ABCA12: variants seen among roughly 807,000 people sequenced by gnomAD.
The protein encoded by ABCA12 is glucosylceramide transporter ABCA12.
In ABCA12, 156 loss-of-function variants were observed where a neutral mutation model predicts 293.5. The ratio of observed to expected loss-of-function variants is 0.53; its 90% CI spans 0.47 to 0.61. The LOEUF is 0.61. Ranked by LOEUF, ABCA12 falls within the 20% of genes least tolerant of loss-of-function variation. The pLI is 0.00. For synonymous variants in ABCA12, 1,063 were observed against 1,108.0 expected (o/e 0.96, Z 0.81); for missense variants, 2,797 against 3,090.2 (o/e 0.91, Z 2.25).
intron 9 of ABCA12, among the ~76,000 whole-genome samples, chr2:215,028,517 T>TA (rs1700800774): frequency 6.6e-6 from 1 of 152,198 alleles, no homozygotes; most frequent in Non-Finnish European, 1.5e-5. Flanking sequence ...ACTCAGACCT[T>TA]AGAGATTTTA....
intron 22 of ABCA12, 66 bp from the exon 23 acceptor site, chr2:214,997,875 A>AATATAT: frequency 1.0e-6 from 1 of 962,436 alleles, no homozygotes; most frequent in South Asian, 1.4e-5. Context: ...CAGAGATTAT[A>AATATAT]ATATATAAAG....
chr2:215,074,459 A>G (rs1349793545), intron 2 of ABCA12, among the ~76,000 whole-genome samples: 1 of 152,186 alleles, frequency 6.6e-6, no homozygotes, highest in Non-Finnish European at 1.5e-5. Context: ...TACACACTCT[A>G]TAATAGGGAA....
intron 11 of ABCA12, among the ~76,000 whole-genome samples, chr2:215,024,669 A>G (rs1166518387): frequency 6.6e-6 from 1 of 152,224 alleles, no homozygotes; most frequent in Non-Finnish European, 1.5e-5. Flanking sequence ...ATACATGGAC[A>G]TAATGTTTTG....
At chr2:215,078,716 C>T (rs1236539846) in intron 2 of ABCA12, among the ~76,000 whole-genome samples, 2 of 152,072 alleles carry the variant, frequency 1.3e-5, no homozygotes, top group Non-Finnish European at 2.9e-5. Context: ...CTGTTTCTAC[C>T]CTTAGTGAGA....
chr2:215,098,775 C>A (rs559081299), intron 2 of ABCA12, among the ~76,000 whole-genome samples: 2 of 152,208 alleles, frequency 1.3e-5, no homozygotes, highest in Non-Finnish European at 2.9e-5. Flanking sequence ...TCACTAAAAT[C>A]TTTGAAAGTA....
intron 1 of ABCA12, among the ~76,000 whole-genome samples, chr2:215,119,610 G>T (rs73076508): frequency 6.6e-6 from 1 of 151,762 alleles, no homozygotes; most frequent in African/African-American, 2.4e-5. Flanking sequence ...AAGATCAGTT[G>T]GTTGTGAGTA....
chr2:215,119,645 A>G (rs1273439712), intron 1 of ABCA12, among the ~76,000 whole-genome samples: 2 of 151,078 alleles, frequency 1.3e-5, no homozygotes, highest in East Asian at 3.9e-4. Flanking sequence ...TCTGTTTCCA[A>G]TTCTGTTCCA....
At chr2:215,113,781 A>G (rs1553547185) in intron 1 of ABCA12, among the ~76,000 whole-genome samples, 1 of 152,248 alleles carries the variant, frequency 6.6e-6, no homozygotes, top group Non-Finnish European at 1.5e-5. Flanking sequence ...TAGGCAATGA[A>G]CCACAGTGTT....
At chr2:214,948,072 C>A in intron 47 of ABCA12, 1 of 179,450 alleles carries the variant, frequency 5.6e-6, no homozygotes, top group South Asian at 1.2e-4. Flanking sequence ...ATAATGAAAT[C>A]CTAGTTGAAT....
chr2:215,097,325 CT>C (rs149215187), intron 2 of ABCA12, among the ~76,000 whole-genome samples: 13 of 151,024 alleles, frequency 8.6e-5, no homozygotes, highest in Non-Finnish European at 1.2e-4. Flanking sequence ...CTCCAAAAAT[CT>C]TTTTTTTTCT....
Position 214,970,271 on chromosome 2 carries a change from AC to A in ABCA12, c.5690+1del. ...AAATATGTTATAAACAGATTATTTTACCTTTTTTGGACAAACTCATTTGCAG... is the reference window on the plus strand; with the variant it reads ...AAATATGTTATAAACAGATTATTTTACTTTTTTGGACAAACTCATTTGCAG... On this transcript the variant is annotated splice_donor_variant, in intron 37 of 52. Coordinates refer to ENST00000272895, the MANE Select transcript of ABCA12 (RefSeq NM_173076.3). LOFTEE classifies it high-confidence loss of function. The A allele has an allele frequency of 1.2e-6, 2 of 1,611,448 alleles. No individual in the cohort carries two copies. Among genetic ancestry groups the A allele is most frequent in the South Asian group, 2.2e-5 (2 of 90,778 alleles).
At position 215,138,019 on chromosome 2, in the gene ABCA12, A is replaced by G; in HGVS notation, c.69+121T>C. 4 of 1,016,066 alleles carry G rather than the reference A, an allele frequency of 3.9e-6. No individual in the cohort carries two copies. The South Asian group carries it at 5.1e-5, about 13-fold the overall frequency. The allele number at this position is 1,016,066 out of a possible 1,614,324, so 62.9% of individuals were successfully genotyped here. On this transcript the variant is annotated intron_variant, in intron 1 of 52. Coordinates refer to ENST00000272895, the MANE Select transcript of ABCA12 (RefSeq NM_173076.3). ...TAGGGGGATGAATTCTAAATATCTTACTTCCTGCTTTGGAAAATGCCTTTA... is the reference window on the plus strand; with the variant it reads ...TAGGGGGATGAATTCTAAATATCTTGCTTCCTGCTTTGGAAAATGCCTTTA...
In ABCA12 at chr2:214,950,404, G is replaced by GTA. The variant is rs1448981251; in HGVS notation, c.6852+474_6852+475insTA. On this transcript the variant is annotated intron_variant, in intron 45 of 52. Transcript: ENST00000272895. ...TATATCTGTGTGTGTGTGTGTGTGTGTGTGTGTGTGTGTGTGTATATATAT... is the reference window on the plus strand; with the variant it reads ...TATATCTGTGTGTGTGTGTGTGTGTGTATGTGTGTGTGTGTGTGTATATATAT... Among the ~76,000 whole-genome samples the GTA allele has an allele frequency of 1.5e-4, 23 of 149,336 alleles. No individual in the cohort carries two copies. The East Asian group carries it at 2.5e-3, about 16-fold the overall frequency.
chr2:215,058,568 T>C (rs1017049127), intron 3 of ABCA12, among the ~76,000 whole-genome samples: 3 of 152,048 alleles, frequency 2.0e-5, no homozygotes, highest in Non-Finnish European at 4.4e-5. Context: ...AGCTGTCCAC[T>C]GAATTCGGGA....
At chr2:215,050,546 G>T (rs1331378891) in intron 5 of ABCA12, among the ~76,000 whole-genome samples, 1 of 152,048 alleles carries the variant, frequency 6.6e-6, no homozygotes, top group Non-Finnish European at 1.5e-5. Context: ...TATTTACAGA[G>T]CTGATGATAG....
At chr2:215,064,730 C>CAA (rs1382581864) in intron 2 of ABCA12, among the ~76,000 whole-genome samples, 4 of 140,366 alleles carry the variant, frequency 2.8e-5, no homozygotes, top group African/African-American at 1.1e-4. Flanking sequence ...CACACACACA[C>CAA]ACAAACATGT....
intron 2 of ABCA12, among the ~76,000 whole-genome samples, chr2:215,084,573 G>A (rs1407337285): frequency 6.6e-6 from 1 of 152,076 alleles, no homozygotes; most frequent in African/African-American, 2.4e-5. Flanking sequence ...AATTCCCAAG[G>A]CTGAATGGAG....
chr2:214,997,670 T>A, intron 23 of ABCA12, 25 bp downstream of exon 23: 2 of 1,496,374 alleles, frequency 1.3e-6, no homozygotes. Flanking sequence ...GACTTATTCA[T>A]AACAAGAAGT....
chr2:214,944,676 G>A (rs1443626884), intron 49 of ABCA12, among the ~76,000 whole-genome samples: 1 of 151,884 alleles, frequency 6.6e-6, no homozygotes, highest in Non-Finnish European at 1.5e-5. Flanking sequence ...AGTTAAGAGG[G>A]CCATAAGTCA....
Sources: gnomAD v4.1 joint callset for allele counts (sites outside exome capture counted in the v4.1 genomes callset) on GRCh38, gnomAD v4.1.1 for gene constraint, MANE v1.5 for transcripts, NCBI Gene and HGNC (gene_info 2026-07-23, HGNC 2026-07-21) for gene names.